The following KDM4D variants were observed in gnomAD, a reference collection of about 807,000 sequenced individuals.
The protein encoded by KDM4D is lysine-specific demethylase 4D.
For missense variants in KDM4D, 427 were observed against 674.8 expected (o/e 0.63, Z 4.07); for synonymous variants, 254 against 249.1 (o/e 1.02, Z -0.19).
intron 2 of KDM4D, among the ~76,000 whole-genome samples, chr11:94,980,331 G>A (rs1857833225): frequency 6.6e-6 from 1 of 152,090 alleles, no homozygotes; most frequent in South Asian, 2.1e-4. Context: ...GAAATCCGAT[G>A]GAGCAGATAT....
chr11:94,979,067 A>G (rs1373230144), intron 2 of KDM4D, among the ~76,000 whole-genome samples: 5 of 152,210 alleles, frequency 3.3e-5, no homozygotes, highest in Admixed American at 2.0e-4. Flanking sequence ...TGTGCATTAT[A>G]TATGTATGCT....
chr11:94,985,778 G>A (rs1857880221), intron 2 of KDM4D, among the ~76,000 whole-genome samples: 2 of 152,170 alleles, frequency 1.3e-5, no homozygotes, highest in South Asian at 4.1e-4. Flanking sequence ...TAGGTTTATG[G>A]TTAACTGATT....
rs1555099274 is a variant in KDM4D, at chr11:94,997,145, G to A, written c.-228G>A. 6 of 394,438 alleles carry A rather than the reference G, an allele frequency of 1.5e-5. No homozygotes were observed. Among genetic ancestry groups the A allele is most frequent in the African/African-American group, 1.0e-4 (5 of 48,086 alleles). 24.4% of individuals were successfully genotyped at this position (394,438 alleles called of 1,614,324 possible). ...CAACCGAAACATAACAGAGTTGCAG[G>A]ATCAGCTAACGTCAATGCCTGGGCA... On this transcript the variant is annotated 5_prime_UTR_variant, in exon 3 of 3. Coordinates refer to ENST00000335080, the MANE Select transcript of KDM4D (RefSeq NM_018039.3).
intron 2 of KDM4D, among the ~76,000 whole-genome samples, chr11:94,984,984 G>A (rs1857872788): frequency 1.3e-5 from 2 of 152,166 alleles, no homozygotes; most frequent in Non-Finnish European, 2.9e-5. Context: ...CAGGATTTAA[G>A]ATTCAGATCA....
chr11:94,993,669 G>C (rs1555098953), intron 2 of KDM4D, among the ~76,000 whole-genome samples: 1 of 152,010 alleles, frequency 6.6e-6, no homozygotes, highest in South Asian at 2.1e-4. Context: ...TTATAAAACA[G>C]ATACAAAGTG....
Position 94,977,364 on chromosome 11 carries a change from T to G in KDM4D, c.-350+1616T>G, listed in dbSNP as rs587655785. Among the ~76,000 whole-genome samples the G allele has an allele frequency of 7.2e-5, 11 of 152,294 alleles. No individual in the cohort carries two copies. The East Asian group carries it at 2.1e-3, about 29-fold the overall frequency. On this transcript the variant is annotated intron_variant, in intron 2 of 2. Coordinates refer to ENST00000335080, the MANE Select transcript of KDM4D (RefSeq NM_018039.3). ...GGTGTTCACAATGGTTTCCAAAGTT[T>G]TCTATGGTCTACCCTTTCCCCTACC...
chr11:94,993,432 T>C lies in KDM4D; in HGVS notation c.-349-3592T>C, dbSNP rs587616090. Among the ~76,000 whole-genome samples the C allele has an allele frequency of 2.0e-5, 3 of 152,032 alleles. No individual in the cohort carries two copies. In the East Asian group the frequency reaches 5.8e-4, roughly 29 times the overall value. ...AGTAGTCTCACAACAAAAGCAACCATTGAAGACTCATAGAGAAGTGACACA... is the reference window on the plus strand; with the variant it reads ...AGTAGTCTCACAACAAAAGCAACCACTGAAGACTCATAGAGAAGTGACACA... On this transcript the variant is annotated intron_variant, in intron 2 of 2. Coordinates refer to ENST00000335080, the MANE Select transcript of KDM4D (RefSeq NM_018039.3).
intron 2 of KDM4D, among the ~76,000 whole-genome samples, chr11:94,992,000 A>G (rs1453011347): frequency 1.3e-5 from 2 of 152,010 alleles, no homozygotes; most frequent in Non-Finnish European, 2.9e-5. Context: ...GCTCACACCA[A>G]TACCCACACA....
Position 94,998,266 on chromosome 11 carries a change from G to A in KDM4D, c.894G>A (p.Pro298=), listed in dbSNP as rs587607906. ...NCAEAINFAT[P]RWIDYGKMAS... is the part of the protein sequence containing the mutation. ...CAGAGGCCATCAATTTTGCCACTCC[G>A]CGATGGATTGATTATGGCAAAATGG... The change falls in exon 3 of 3, where the codon CCG becomes CCA. Residue 298 remains proline, a synonymous_variant. Coordinates refer to ENST00000335080, the MANE Select transcript of KDM4D (RefSeq NM_018039.3). The surrounding 1 kb of genome is among the most constrained non-coding windows in gnomAD (Gnocchi z 6.7). The A allele has an allele frequency of 3.1e-5, 50 of 1,614,224 alleles. No homozygotes were observed. Among genetic ancestry groups the A allele is most frequent in the East Asian group, 2.2e-4 (10 of 44,882 alleles).
chr11:94,977,942 G>C (rs1857811244), intron 2 of KDM4D, among the ~76,000 whole-genome samples: 1 of 152,108 alleles, frequency 6.6e-6, no homozygotes, highest in African/African-American at 2.4e-5. Context: ...ATTGTGTTCT[G>C]TTGTAAAAAG....
rs1555099349 is a variant in KDM4D, at chr11:94,997,565, A to G, written c.193A>G (p.Asn65Asp). 6.2e-7 allele frequency: 1 copy of G among 1,614,030 alleles called. No homozygotes were observed. Among genetic ancestry groups the G allele is most frequent in the Non-Finnish European group, 8.5e-7 (1 of 1,179,998 alleles). The change falls in exon 3 of 3, where the codon AAT becomes GAT. Residue 65 changes from asparagine (N) to aspartate (D), a missense_variant. By Grantham distance (23) the Asn-to-Asp change is conservative. Transcript: ENST00000335080. ...ATGGAAAGCCAGAGAGACCTATGAT[A>G]ATATCAGTGAAATCTTAATAGCCAC... ...KEWKARETYD[N>D]ISEILIATPL...
At position 94,997,303 on chromosome 11, in the gene KDM4D, A is replaced by G; in HGVS notation, c.-70A>G. 2 of 1,276,160 alleles carry G rather than the reference A, an allele frequency of 1.6e-6. No individual in the cohort carries two copies. The highest frequency in any genetic ancestry group is 1.5e-5 in the African/African-American group (1 of 66,188). 79.1% of individuals were successfully genotyped at this position (1,276,160 alleles called of 1,614,324 possible). Reference sequence around the variant, plus strand: ...GATAACACCAGTCAAATTTTTTTTTAAAGTAGCATTTTCCTACATTGTCAA... The same window carrying G: ...GATAACACCAGTCAAATTTTTTTTTGAAGTAGCATTTTCCTACATTGTCAA... On this transcript the variant is annotated 5_prime_UTR_variant, in exon 3 of 3. Transcript: ENST00000335080.
At position 94,998,986 on chromosome 11, in the gene KDM4D, C is replaced by T. The variant is rs782633161; in HGVS notation, c.*42C>T. On this transcript the variant is annotated 3_prime_UTR_variant, in exon 3 of 3. Coordinates refer to ENST00000335080, the MANE Select transcript of KDM4D (RefSeq NM_018039.3). The surrounding 1 kb of genome is among the most constrained non-coding windows in gnomAD (Gnocchi z 6.7). ...TATATCCCACTGCCCTGCTGTGTGA[C>T]AGTTTGATGAAACTGGTTACATTTA... is the stretch of plus-strand genomic sequence containing the variant. 4 of 1,464,262 alleles carry T rather than the reference C, an allele frequency of 2.7e-6. No individual in the cohort carries two copies. In the South Asian group the frequency reaches 6.7e-5, roughly 24 times the overall value. 90.7% of individuals were successfully genotyped at this position (1,464,262 alleles called of 1,614,324 possible).
Position 94,999,067 on chromosome 11 carries a change from C to T in KDM4D, c.*123C>T, listed in dbSNP as rs1292723470. The T allele has an allele frequency of 1.1e-6, 1 of 896,254 alleles. No individual in the cohort carries two copies. The highest frequency in any genetic ancestry group is 1.6e-6 in the Non-Finnish European group (1 of 640,174). The allele number at this position is 896,254 out of a possible 1,614,324, so 55.5% of individuals were successfully genotyped here. ...CTCTAGGCATGCATGAAAGAGCCCC[C>T]CTGGTGATGCCCTTGGATGCTGCCA... On this transcript the variant is annotated 3_prime_UTR_variant, in exon 3 of 3. Transcript: ENST00000335080.
chr11:94,985,775 A>G (rs959386847), intron 2 of KDM4D, among the ~76,000 whole-genome samples: 1 of 152,230 alleles, frequency 6.6e-6, no homozygotes, highest in Non-Finnish European at 1.5e-5. Flanking sequence ...CCTTAGGTTT[A>G]TGGTTAACTG....
chr11:94,975,988 A>T (rs915214869), intron 2 of KDM4D, among the ~76,000 whole-genome samples: 3 of 152,232 alleles, frequency 2.0e-5, no homozygotes, highest in Non-Finnish European at 4.4e-5. Flanking sequence ...CCAATATACA[A>T]TATAGTCAAT....
At chr11:94,983,543 A>G (rs1555097805) in intron 2 of KDM4D, among the ~76,000 whole-genome samples, 1 of 152,164 alleles carries the variant, frequency 6.6e-6, no homozygotes, top group Admixed American at 6.5e-5. Flanking sequence ...GCAACAATAC[A>G]ATAGACATAA....
rs1011365938 is a variant in KDM4D at position 94,997,704 on chromosome 11, A to G, written c.332A>G (p.Gln111Arg). Residue 111 changes from glutamine to arginine, a missense_variant, in exon 3 of 3, where the codon CAG (glutamine) becomes CGG (arginine). Gln to Arg is a conservative substitution (Grantham distance 43, BLOSUM62 1). Coordinates refer to ENST00000335080, the MANE Select transcript of KDM4D (RefSeq NM_018039.3). ...YRHLANSKKY[Q>R]TPPHQNFEDL... The stretch of plus-strand genomic sequence containing the variant: ...CATTTGGCAAACAGTAAAAAATATC[A>G]GACTCCACCACACCAGAATTTCGAA... The G allele has an allele frequency of 3.7e-6, 6 of 1,614,264 alleles. No homozygotes were observed. The highest frequency in any genetic ancestry group is 5.1e-6 in the Non-Finnish European group (6 of 1,180,046).
chr11:94,987,259 C>CA lies in KDM4D; in HGVS notation c.-349-9759dup, dbSNP rs1555098211. On this transcript the variant is annotated intron_variant, in intron 2 of 2. Coordinates refer to ENST00000335080, the MANE Select transcript of KDM4D (RefSeq NM_018039.3). The stretch of plus-strand genomic sequence containing the variant: ...ATGGTCACACAGCATTGTAAATATA[C>CA]AAAAAATCATTGAAGTGTACACTTA... 4.6e-5 allele frequency among the ~76,000 whole-genome samples: 7 copies of CA among 152,032 alleles called. No individual in the cohort carries two copies. In the South Asian group the frequency reaches 6.2e-4, roughly 14 times the overall value.
Sources: gnomAD v4.1 joint callset for allele counts (sites outside exome capture counted in the v4.1 genomes callset) on GRCh38, gnomAD v4.1.1 for gene constraint, Gnocchi (gnomAD v3.1) non-coding constraint, MANE v1.5 for transcripts, NCBI Gene and HGNC (gene_info 2026-07-23, HGNC 2026-07-21) for gene names.